Variants in NCOR2 observed in about 807,000 individuals in gnomAD.
NCOR2 encodes CTG repeat protein 26.
In NCOR2, 81 loss-of-function variants were observed where a neutral mutation model predicts 262.9. That is an observed-to-expected ratio of 0.31 (90% confidence interval 0.26 to 0.37). NCOR2 has a LOEUF of 0.37. Among genes scored for constraint, NCOR2 ranks in the 10% least tolerant of loss-of-function variants. The pLI is 1.00. For missense variants in NCOR2, 3,385 were observed against 3,621.4 expected, an observed-to-expected ratio of 0.93 and a Z score of 1.68; for synonymous variants, 1,659 against 1,559.3, an observed-to-expected ratio of 1.06 and a Z score of -1.51.
intron 1 of NCOR2, among the ~76,000 whole-genome samples, chr12:124,487,499 C>T (rs1482816914): frequency 6.6e-6 from 1 of 152,272 alleles, no homozygotes; most frequent in African/African-American, 2.4e-5. Context: ...GGGCCTCGGC[C>T]TTGGCCTTGG....
At position 124,483,400 on chromosome 12, in the gene NCOR2, C is replaced by T. The variant is rs76540518; in HGVS notation, c.411+196G>A. Among the ~76,000 whole-genome samples the T allele has an allele frequency of 0.011, 1,618 of 152,282 alleles. 37 individuals carry two copies. The highest frequency in any genetic ancestry group is 0.036 in the African/African-American group (1,501 of 41,552). On this transcript the variant is annotated intron_variant, in intron 3 of 46. Coordinates refer to ENST00000405201, the Ensembl canonical transcript of NCOR2. The surrounding 1 kb of genome is among the most constrained non-coding windows in gnomAD (Gnocchi z 6.3). ...GGAACACCTTCCCCACTTCTTCCCA[C>T]ACTCTGGCACCTCCAGAGACCCAGC...
intron 1 of NCOR2, among the ~76,000 whole-genome samples, chr12:124,527,512 G>T (rs1357442869): frequency 6.6e-6 from 1 of 152,000 alleles, no homozygotes; most frequent in Non-Finnish European, 1.5e-5. Context: ...CTGCCTCCTG[G>T]GTTCAAACAA....
Position 124,350,253 on chromosome 12 carries a change from C to T in NCOR2, c.3844+334G>A, listed in dbSNP as rs185315130. On this transcript the variant is annotated intron_variant, in intron 28 of 46. Coordinates refer to ENST00000405201, the Ensembl canonical transcript of NCOR2. ...ACTCTGGCCATGGCCTCTTTCATGGCCAATGAGAGAGTGCGTGGTTTGTCA... is the reference window on the plus strand; with the variant it reads ...ACTCTGGCCATGGCCTCTTTCATGGTCAATGAGAGAGTGCGTGGTTTGTCA... 5.1e-3 allele frequency among the ~76,000 whole-genome samples: 773 copies of T among 152,284 alleles called. 4 individuals carry two copies. Among genetic ancestry groups the T allele is most frequent in the South Asian group, 0.011 (52 of 4,818 alleles).
chr12:124,386,443 C>A (rs2040813751), intron 16 of NCOR2, among the ~76,000 whole-genome samples: 1 of 152,050 alleles, frequency 6.6e-6, no homozygotes, highest in Non-Finnish European at 1.5e-5. Flanking sequence ...GGCCAGGAGC[C>A]TCCAGGCCCA....
chr12:124,558,527 G>A (rs1337398242), intron 1 of NCOR2, among the ~76,000 whole-genome samples: 2 of 152,230 alleles, frequency 1.3e-5, no homozygotes, highest in African/African-American at 4.8e-5. Flanking sequence ...GCAGGCAGGA[G>A]GCGGCTGCAG....
At position 124,340,567 on chromosome 12, in the gene NCOR2, C is replaced by T. The variant is rs768129182; in HGVS notation, c.5338+35G>A. ...TCCCCCAGCCGCCTCCCATGGATGCCGGGGTCCCCACCCCAGACTGGGCAG... is the reference window on the plus strand; with the variant it reads ...TCCCCCAGCCGCCTCCCATGGATGCTGGGGTCCCCACCCCAGACTGGGCAG... On this transcript the variant is annotated intron_variant, in intron 35 of 46. Coordinates refer to ENST00000405201, the Ensembl canonical transcript of NCOR2. 57 of 1,514,204 alleles carry T rather than the reference C, an allele frequency of 3.8e-5. No homozygotes were observed. In the East Asian group the frequency reaches 5.1e-4, roughly 14 times the overall value. 93.8% of individuals were successfully genotyped at this position (1,514,204 alleles called of 1,614,324 possible).
intron 1 of NCOR2, among the ~76,000 whole-genome samples, chr12:124,509,245 G>GGGGGGGGGGGGGGC (rs1555234155): frequency 6.9e-6 from 1 of 144,564 alleles, no homozygotes; most frequent in African/African-American, 2.9e-5. Flanking sequence ...TGGGGGGGGG[G>GGGGGGGGGGGGGGC]GGGGCTTAAC....
intron 22 of NCOR2, among the ~76,000 whole-genome samples, chr12:124,358,385 T>A (rs1236083025): frequency 6.6e-6 from 1 of 151,030 alleles, no homozygotes; most frequent in Non-Finnish European, 1.5e-5. Flanking sequence ...TGTGTGCACG[T>A]GCACGTGCAT....
intron 1 of NCOR2, among the ~76,000 whole-genome samples, chr12:124,556,926 G>A (rs543516943): frequency 3.3e-5 from 5 of 152,200 alleles, no homozygotes; most frequent in East Asian, 3.9e-4. Flanking sequence ...AGAGTGCTCC[G>A]GCAGGGTGAG....
intron 3 of NCOR2, among the ~76,000 whole-genome samples, chr12:124,479,555 A>ACG (rs944037487): frequency 6.6e-6 from 1 of 151,376 alleles, no homozygotes; most frequent in African/African-American, 2.4e-5. Context: ...CCACACACAA[A>ACG]CGCGCACACA....
chr12:124,484,167 C>T (rs899735504), intron 2 of NCOR2, among the ~76,000 whole-genome samples: 1 of 152,212 alleles, frequency 6.6e-6, no homozygotes, highest in Non-Finnish European at 1.5e-5. Context: ...GGGTGGTTCA[C>T]AGGCACAGTC....
intron 7 of NCOR2, among the ~76,000 whole-genome samples, chr12:124,438,507 G>A (rs1160061905): frequency 1.3e-5 from 2 of 152,128 alleles, no homozygotes; most frequent in Admixed American, 1.3e-4. Context: ...GACACAAGCA[G>A]TGTGGGGCAG....
chr12:124,395,746 C>G (rs887731086), intron 16 of NCOR2, among the ~76,000 whole-genome samples: 1 of 152,070 alleles, frequency 6.6e-6, no homozygotes, highest in Non-Finnish European at 1.5e-5. Context: ...ACACGAGACA[C>G]GAGAAGGGAT....
intron 1 of NCOR2, among the ~76,000 whole-genome samples, chr12:124,527,184 G>T (rs1354258356): frequency 1.3e-5 from 2 of 152,178 alleles, no homozygotes; most frequent in Non-Finnish European, 2.9e-5. Context: ...CGTGCTGAAG[G>T]GTAGATGACA....
chr12:124,418,945 G>A (rs1410538202), intron 13 of NCOR2, among the ~76,000 whole-genome samples: 3 of 151,702 alleles, frequency 2.0e-5, no homozygotes, highest in Non-Finnish European at 2.9e-5. Flanking sequence ...ACTCTCACCC[G>A]GCCCCCACCC....
In NCOR2 at chr12:124,359,411, G is replaced by A. The variant is rs570673170; in HGVS notation, c.3101-2629C>T. Among the ~76,000 whole-genome samples, 1,291 of 152,338 alleles carry A rather than the reference G, an allele frequency of 8.5e-3. 19 individuals are homozygous for A. The highest frequency in any genetic ancestry group is 0.028 in the African/African-American group (1,173 of 41,568). ...TGCTGTGAGCAGAGCAGGTGGGCAA[G>A]AAGGCCTATGTACCAAATTGCCCCC... On this transcript the variant is annotated intron_variant, in intron 22 of 46. Transcript: ENST00000405201.
intron 18 of NCOR2, among the ~76,000 whole-genome samples, chr12:124,377,468 A>G (rs1002724872): frequency 1.3e-5 from 2 of 152,236 alleles, no homozygotes; most frequent in East Asian, 1.9e-4. Context: ...AAATAACTAT[A>G]TAACTTGTAC....
chr12:124,532,738 AGAG>A (rs917661887), intron 1 of NCOR2, among the ~76,000 whole-genome samples: 12 of 152,190 alleles, frequency 7.9e-5, no homozygotes, highest in African/African-American at 2.9e-4. Context: ...ACAGAGAGGC[AGAG>A]GAGGAGGAGG....
chr12:124,329,289 C>T (rs999452609), intron 44 of NCOR2: 4 of 358,606 alleles, frequency 1.1e-5, no homozygotes, highest in East Asian at 7.9e-5. Context: ...TGATGAAACC[C>T]CGTCTCTACT....
Sources: gnomAD v4.1 joint callset for allele counts (sites outside exome capture counted in the v4.1 genomes callset) on GRCh38, gnomAD v4.1.1 for gene constraint, Gnocchi (gnomAD v3.1) non-coding constraint, MANE v1.5 for transcripts, NCBI Gene and HGNC (gene_info 2026-07-23, HGNC 2026-07-21) for gene names.